Variants in OSBPL1A observed in about 807,000 individuals in gnomAD.
OSBPL1A encodes the protein oxysterol binding protein like 1A.
Under a neutral mutation model 137.1 loss-of-function variants are expected in OSBPL1A, and 80 were observed. The ratio of observed to expected loss-of-function variants is 0.58; its 90% CI spans 0.49 to 0.70. The LOEUF is 0.70. Ranked by LOEUF, OSBPL1A falls within the 30% of genes least tolerant of loss-of-function variation. The pLI, the probability that OSBPL1A is intolerant of heterozygous loss-of-function variation, is 0.00. For missense variants in OSBPL1A, 970 were observed against 1,129.4 expected (o/e 0.86, Z 2.02); for synonymous variants, 365 against 389.7 (o/e 0.94, Z 0.75).
At chr18:24,387,586 A>T (rs1249669497) in intron 1 of OSBPL1A, among the ~76,000 whole-genome samples, 1 of 152,006 alleles carries the variant, frequency 6.6e-6, no homozygotes, top group African/African-American at 2.4e-5. Context: ...CATTCATCAC[A>T]ATTTTTTTTA....
intron 17 of OSBPL1A, among the ~76,000 whole-genome samples, chr18:24,205,148 T>C (rs550759562): frequency 6.6e-5 from 10 of 152,192 alleles, no homozygotes; most frequent in Non-Finnish European, 1.2e-4. Context: ...AACTTGTCCA[T>C]GGTCATATAT....
chr18:24,323,539 C>CTTTT lies in OSBPL1A; in HGVS notation c.626-4734_626-4731dup, dbSNP rs763234169. On this transcript the variant is annotated intron_variant, in intron 7 of 27. Transcript: ENST00000319481. ...ACACCCAGCCAGGGTGAGGCTTTTT[C>CTTTT]TTTTTTTTTTTTTTTTTTTTTTATT... 4.8e-4 allele frequency among the ~76,000 whole-genome samples: 17 copies of CTTTT among 35,150 alleles called. 1 individual carries two copies. The highest frequency in any genetic ancestry group is 1.3e-3 in the East Asian group (3 of 2,386). 23.1% of individuals were successfully genotyped at this position (35,150 alleles called of 152,430 possible).
intron 14 of OSBPL1A, among the ~76,000 whole-genome samples, chr18:24,296,882 TG>T (rs1251083480): frequency 1.3e-5 from 2 of 152,226 alleles, no homozygotes; most frequent in Non-Finnish European, 2.9e-5. Flanking sequence ...CTTTCTGATA[TG>T]CTGTTGGATT....
intron 15 of OSBPL1A, among the ~76,000 whole-genome samples, chr18:24,278,544 C>A (rs974389685): frequency 1.3e-5 from 2 of 152,114 alleles, no homozygotes; most frequent in Non-Finnish European, 2.9e-5. Flanking sequence ...TCTTGCACAT[C>A]TAAATAACCT....
intron 13 of OSBPL1A, among the ~76,000 whole-genome samples, chr18:24,310,144 T>C (rs949452574): frequency 3.3e-5 from 5 of 151,412 alleles, no homozygotes; most frequent in East Asian, 1.9e-4. Context: ...CTTAACACTA[T>C]AGTGCTAAAA....
Position 24,341,580 on chromosome 18 carries a change from T to C in OSBPL1A, c.361A>G (p.Thr121Ala). The change falls in exon 5 of 28, where the codon ACT (threonine) becomes GCT (alanine). Residue 121 changes from threonine (T) to alanine (A), a missense_variant. By Grantham distance (58) the Thr-to-Ala change is moderately conservative (BLOSUM62 0). Transcript: ENST00000319481. The part of the protein sequence containing the change: ...NGSGQTAKEV[T>A]HAEEIRSMLE... The stretch of plus-strand genomic sequence containing the variant: ...ATGCTTCTGATTTCTTCAGCATGAG[T>C]AACTTCTTTTGCTGTCTGTCCACTC... The C allele has an allele frequency of 6.2e-7, 1 of 1,613,284 alleles. No homozygotes were observed. The highest frequency in any genetic ancestry group is 1.1e-5 in the South Asian group (1 of 91,030).
Position 24,333,235 on chromosome 18 carries a change from C to T in OSBPL1A, c.481-149G>A, listed in dbSNP as rs1248045864. The stretch of plus-strand genomic sequence containing the variant: ...AGTGGTTTCTTGCTCACTAAACCAG[C>T]CAACCCTGCCACACCCATGCTTATT... On this transcript the variant is annotated intron_variant, in intron 6 of 27. Transcript: ENST00000319481. 5.2e-6 allele frequency: 4 copies of T among 775,028 alleles called. No individual in the cohort carries two copies. The East Asian group carries it at 8.1e-5, about 16-fold the overall frequency. 48.0% of individuals were successfully genotyped at this position (775,028 alleles called of 1,614,324 possible). A position where few individuals can be genotyped will look rare whatever the true frequency, so the allele number is the denominator to read the frequency against.
At chr18:24,292,102 T>A (rs1244515704) in intron 14 of OSBPL1A, among the ~76,000 whole-genome samples, 1 of 151,586 alleles carries the variant, frequency 6.6e-6, no homozygotes, top group African/African-American at 2.4e-5. Flanking sequence ...AAAGAAAATA[T>A]CAGAAGTCAG....
At chr18:24,272,013 G>A in intron 15 of OSBPL1A, 3 of 981,500 alleles carry the variant, frequency 3.1e-6, no homozygotes, top group Non-Finnish European at 3.6e-6. Flanking sequence ...GCGGCGGGCG[G>A]CTCCCTGCGC....
chr18:24,349,306 C>T (rs1047761300), intron 4 of OSBPL1A, among the ~76,000 whole-genome samples: 1 of 150,206 alleles, frequency 6.7e-6, no homozygotes, highest in African/African-American at 2.4e-5. Context: ...TCTAGACAGA[C>T]AAGAAAAAAA....
At chr18:24,245,323 C>T (rs2088851174) in intron 15 of OSBPL1A, among the ~76,000 whole-genome samples, 1 of 152,080 alleles carries the variant, frequency 6.6e-6, no homozygotes, top group African/African-American at 2.4e-5. Context: ...AACTCCTAGC[C>T]TCAAGTGATC....
intron 15 of OSBPL1A, among the ~76,000 whole-genome samples, chr18:24,257,115 T>C (rs910746173): frequency 1.3e-5 from 2 of 150,240 alleles, no homozygotes; most frequent in Non-Finnish European, 1.5e-5. Context: ...TTCACAGAAA[T>C]AGAAAAAAAC....
intron 17 of OSBPL1A, among the ~76,000 whole-genome samples, chr18:24,204,511 CTG>C (rs1230256329): frequency 1.8e-4 from 27 of 150,302 alleles, no homozygotes; most frequent in Admixed American, 8.6e-4. Context: ...AAACTAGCTT[CTG>C]TGTTTTCTAT....
chr18:24,230,612 A>C (rs2088240784), intron 16 of OSBPL1A, among the ~76,000 whole-genome samples: 1 of 152,180 alleles, frequency 6.6e-6, no homozygotes, highest in Admixed American at 6.5e-5. Flanking sequence ...AGCAGAAGGA[A>C]GGTATTTTTA....
intron 17 of OSBPL1A, among the ~76,000 whole-genome samples, chr18:24,224,702 T>C (rs1472880745): frequency 2.6e-5 from 4 of 152,282 alleles, no homozygotes; most frequent in East Asian, 1.9e-4. Flanking sequence ...AAAATAGCAA[T>C]GGAAGGCAGA....
At chr18:24,306,431 C>G (rs1446676469) in intron 13 of OSBPL1A, among the ~76,000 whole-genome samples, 1 of 152,112 alleles carries the variant, frequency 6.6e-6, no homozygotes. Context: ...GCAGAAAATC[C>G]ACATTTGGTT....
intron 16 of OSBPL1A, among the ~76,000 whole-genome samples, chr18:24,238,584 A>G (rs1343950590): frequency 6.6e-6 from 1 of 152,258 alleles, no homozygotes; most frequent in Non-Finnish European, 1.5e-5. Context: ...CACTATAATT[A>G]TCCCATTTTA....
At chr18:24,331,546 G>A (rs969620102) in intron 7 of OSBPL1A, among the ~76,000 whole-genome samples, 4 of 145,052 alleles carry the variant, frequency 2.8e-5, no homozygotes, top group African/African-American at 7.6e-5. Context: ...ACAGGCGCCC[G>A]CCACCACGCC....
rs140791863 is a variant in OSBPL1A at position 24,204,254 on chromosome 18, C to T, written c.1602-8054G>A. Among the ~76,000 whole-genome samples the T allele has an allele frequency of 1.2e-3, 182 of 152,246 alleles. 1 individual carries two copies. Among genetic ancestry groups the T allele is most frequent in the Admixed American group, 3.5e-3 (53 of 15,290 alleles). On this transcript the variant is annotated intron_variant, in intron 17 of 27. Coordinates refer to ENST00000319481, the MANE Select transcript of OSBPL1A (RefSeq NM_080597.4). ...GGTCTGACTGCGGTAATGATGCTAC[C>T]TTGTTATTTTACTTTGTTTTTCCTT...
Sources: allele counts gnomAD v4.1 joint callset (sites outside exome capture counted in the v4.1 genomes callset), GRCh38; gene constraint gnomAD v4.1.1; transcripts MANE v1.5; gene names NCBI Gene and HGNC (gene_info 2026-07-23, HGNC 2026-07-21).